The following DLGAP2 variants were observed in gnomAD, a reference collection of about 807,000 sequenced individuals.
DLGAP2 encodes the protein DLG associated protein 2, also known as disks large-associated protein 2.
A neutral mutation model predicts 100.3 loss-of-function variants in DLGAP2; 26 were observed. The observed-to-expected ratio is 0.26, with a 90% confidence interval of 0.19 to 0.36. The LOEUF (loss-of-function observed/expected upper bound fraction) is 0.36, where lower values mean the gene tolerates loss of function less well. DLGAP2 is among the 10% of genes least tolerant of loss of function. The pLI is 1.00. For synonymous variants in DLGAP2, 886 were observed against 630.1 expected (o/e 1.41, Z -6.08); for missense variants, 1,858 against 1,453.2 (o/e 1.28, Z -4.53).
At chr8:1,229,608 AG>A (rs1798492334) in intron 2 of DLGAP2, among the ~76,000 whole-genome samples, 1 of 152,160 alleles carries the variant, frequency 6.6e-6, no homozygotes, top group African/African-American at 2.4e-5. Context: ...TGATGAACAC[AG>A]ATGCAAACAT....
intron 3 of DLGAP2, among the ~76,000 whole-genome samples, chr8:1,458,326 G>C (rs1385771722): frequency 6.6e-6 from 1 of 152,022 alleles, no homozygotes; most frequent in Non-Finnish European, 1.5e-5. Flanking sequence ...CTGAATAACT[G>C]AGCACCTTCC....
At chr8:976,850 T>G (rs759197349) in intron 2 of DLGAP2, among the ~76,000 whole-genome samples, 13 of 152,174 alleles carry the variant, frequency 8.5e-5, no homozygotes, top group Non-Finnish European at 1.8e-4. Flanking sequence ...GAAGATAGCA[T>G]AAAATACCTA....
chr8:1,049,357 C>CTT (rs1356368458), intron 2 of DLGAP2, among the ~76,000 whole-genome samples: 6 of 152,122 alleles, frequency 3.9e-5, no homozygotes, highest in African/African-American at 1.4e-4. Context: ...ACACCTTCTT[C>CTT]CCGTGACTTG....
intron 3 of DLGAP2, among the ~76,000 whole-genome samples, chr8:1,449,886 GAGGC>G (rs1798097302): frequency 1.9e-5 from 2 of 106,224 alleles, no homozygotes. Context: ...CTCGGTGGCT[GAGGC>G]GGAGCTGTGA....
chr8:1,687,059 G>A (rs1041838924), intron 12 of DLGAP2, among the ~76,000 whole-genome samples: 5 of 152,084 alleles, frequency 3.3e-5, no homozygotes, highest in African/African-American at 4.8e-5. Context: ...CATGAGGCTC[G>A]AGATCTTGAA....
chr8:959,284 A>T (rs1799667160), intron 2 of DLGAP2, among the ~76,000 whole-genome samples: 1 of 152,106 alleles, frequency 6.6e-6, no homozygotes. Flanking sequence ...TGTTTTGGGG[A>T]AGGAGGTCTC....
chr8:1,384,333 G>C (rs1235140697), intron 3 of DLGAP2, among the ~76,000 whole-genome samples: 2 of 148,576 alleles, frequency 1.3e-5, no homozygotes, highest in Admixed American at 1.3e-4. Flanking sequence ...CAGTTACCCC[G>C]GCCTGTGCCC....
chr8:1,637,697 G>T (rs1797800922), intron 8 of DLGAP2, among the ~76,000 whole-genome samples: 1 of 152,218 alleles, frequency 6.6e-6, no homozygotes, highest in African/African-American at 2.4e-5. Flanking sequence ...TTAAGTGTTT[G>T]CTGTGTGCCG....
intron 2 of DLGAP2, among the ~76,000 whole-genome samples, chr8:1,181,240 G>C (rs111929429): frequency 1.3e-5 from 2 of 151,002 alleles, no homozygotes; most frequent in African/African-American, 2.4e-5. Flanking sequence ...TGCAAGGGCA[G>C]TACACTTACT....
chr8:853,050 A>T (rs1267192721), intron 1 of DLGAP2, among the ~76,000 whole-genome samples: 1 of 152,212 alleles, frequency 6.6e-6, no homozygotes, highest in African/African-American at 2.4e-5. Flanking sequence ...CAAAAGAGGA[A>T]ATTCAGTGCT....
chr8:1,004,797 C>T (rs544248886), intron 2 of DLGAP2, among the ~76,000 whole-genome samples: 39 of 152,308 alleles, frequency 2.6e-4, no homozygotes, highest in South Asian at 8.3e-4. Flanking sequence ...GAGAGACCCC[C>T]GTGGCCCAGT....
chr8:813,517 G>A (rs996017331), intron 1 of DLGAP2, among the ~76,000 whole-genome samples: 2 of 152,246 alleles, frequency 1.3e-5, no homozygotes, highest in East Asian at 1.9e-4. Context: ...TGAGGTGTGC[G>A]TGTCTTAGAT....
In DLGAP2 at chr8:1,702,671, G is replaced by C. The variant is rs913721788; in HGVS notation, c.*1265G>C. On this transcript the variant is annotated 3_prime_UTR_variant, in exon 15 of 15. Transcript: ENST00000637795. ...TGTGGTCGGTGCCAGAGGAAAATAG[G>C]AACGACTCTAATTAATAGGCTTTCT... 6.6e-6 allele frequency: 1 copy of C among 151,526 alleles called. No individual in the cohort carries two copies. Among genetic ancestry groups the C allele is most frequent in the African/African-American group, 2.4e-5 (1 of 41,252 alleles). The allele number at this position is 151,526 out of a possible 1,614,324, so 9.4% of individuals were successfully genotyped here. A position where few individuals can be genotyped will look rare whatever the true frequency, so the allele number is the denominator to read the frequency against.
At chr8:1,362,116 C>G (rs1413119478) in intron 3 of DLGAP2, among the ~76,000 whole-genome samples, 1 of 151,818 alleles carries the variant, frequency 6.6e-6, no homozygotes, top group Non-Finnish European at 1.5e-5. Context: ...TAGCGTACTT[C>G]AAACCCAATT....
At chr8:1,264,032 G>A (rs1799403115) in intron 3 of DLGAP2, among the ~76,000 whole-genome samples, 1 of 152,116 alleles carries the variant, frequency 6.6e-6, no homozygotes, top group Non-Finnish European at 1.5e-5. Flanking sequence ...TAGGGTAAGA[G>A]GGAGAATGCT....
chr8:820,476 C>T (rs766766788), intron 1 of DLGAP2, among the ~76,000 whole-genome samples: 11 of 152,084 alleles, frequency 7.2e-5, no homozygotes, highest in Non-Finnish European at 1.3e-4. Context: ...TAAAGAGTTC[C>T]TCGAAAGCAA....
intron 6 of DLGAP2, among the ~76,000 whole-genome samples, chr8:1,597,794 T>A (rs1277825416): frequency 6.6e-6 from 1 of 152,236 alleles, no homozygotes; most frequent in Admixed American, 6.5e-5. Flanking sequence ...TTTCTACATA[T>A]ACAATCATGT....
intron 3 of DLGAP2, among the ~76,000 whole-genome samples, chr8:1,445,994 C>T (rs1407240926): frequency 6.6e-6 from 1 of 151,936 alleles, no homozygotes; most frequent in Non-Finnish European, 1.5e-5. Flanking sequence ...GATATTAGCC[C>T]TTTGTCAGAT....
At chr8:1,052,195 T>G (rs1295523213) in intron 2 of DLGAP2, among the ~76,000 whole-genome samples, 1 of 152,184 alleles carries the variant, frequency 6.6e-6, no homozygotes, top group Admixed American at 6.5e-5. Context: ...GGCCTGCCTC[T>G]GACCACCCCT....
Sources: gnomAD v4.1 joint callset for allele counts (sites outside exome capture counted in the v4.1 genomes callset) on GRCh38, gnomAD v4.1.1 for gene constraint, MANE v1.5 for transcripts, NCBI Gene and HGNC (gene_info 2026-07-23, HGNC 2026-07-21) for gene names.